Variants in TMEM72 observed in about 807,000 individuals in gnomAD.
TMEM72 encodes the protein transmembrane protein 72, also known as kidney-specific secretory protein of 37 kDa.
A neutral mutation model predicts 16.3 loss-of-function variants in TMEM72; 9 were observed. That is an observed-to-expected ratio of 0.55 (90% CI 0.33 to 0.96). The LOEUF (loss-of-function observed/expected upper bound fraction) is 0.96, where lower values mean the gene tolerates loss of function less well. Ranked by LOEUF, TMEM72 falls within the 40% of genes least tolerant of loss-of-function variation. The pLI is 0.03. For missense variants in TMEM72, 324 were observed against 337.8 expected (o/e 0.96, Z 0.32); for synonymous variants, 160 against 146.5 (o/e 1.09, Z -0.66).
At chr10:44,933,255 G>A (rs1186655041) in intron 3 of TMEM72, among the ~76,000 whole-genome samples, 1 of 152,258 alleles carries the variant, frequency 6.6e-6, no homozygotes, top group Admixed American at 6.5e-5. Flanking sequence ...CTTATGCAGT[G>A]CACTACAAGC....
In TMEM72 at chr10:44,915,957, G is replaced by A. The variant is rs1346521017; in HGVS notation, c.70+4375G>A. On this transcript the variant is annotated intron_variant, in intron 1 of 4. Transcript: ENST00000389583. ...TGGGTCCAGAGGTGCAGGGCTGACT[G>A]CATGCATTATGGTCATTGTCTCGCT... 1.1e-4 allele frequency among the ~76,000 whole-genome samples: 17 copies of A among 152,286 alleles called. No homozygotes were observed. In the East Asian group the frequency reaches 3.3e-3, roughly 29 times the overall value.
At chr10:44,916,741 C>A (rs1248398037) in intron 1 of TMEM72, among the ~76,000 whole-genome samples, 1 of 152,180 alleles carries the variant, frequency 6.6e-6, no homozygotes, top group East Asian at 1.9e-4. Flanking sequence ...TAAATGGAAT[C>A]TGCCTCCCTC....
At chr10:44,929,877 A>G (rs1840266764) in intron 2 of TMEM72, among the ~76,000 whole-genome samples, 1 of 152,214 alleles carries the variant, frequency 6.6e-6, no homozygotes, top group African/African-American at 2.4e-5. Flanking sequence ...TGCCCTGGCA[A>G]TTGTGCCCTG....
chr10:44,932,077 G>C lies in TMEM72; in HGVS notation c.209+8G>C, dbSNP rs1428774693. On this transcript the variant is annotated splice_region_variant and intron_variant, in intron 3 of 4. Coordinates refer to ENST00000389583, the MANE Select transcript of TMEM72 (RefSeq NM_001123376.3). ...GCTGGCCATCTGCTTCCAGTAAGTA[G>C]TTTCCAGAGAGACCCCTCCATTGTC... The C allele has an allele frequency of 6.2e-7, 1 of 1,611,906 alleles. No homozygotes were observed. The highest frequency in any genetic ancestry group is 1.7e-5 in the Admixed American group (1 of 59,778).
At chr10:44,930,535 T>G (rs1414534374) in intron 2 of TMEM72, among the ~76,000 whole-genome samples, 1 of 152,198 alleles carries the variant, frequency 6.6e-6, no homozygotes, top group African/African-American at 2.4e-5. Context: ...ATAAAATTGT[T>G]GCAAGGACTA....
At chr10:44,930,519 C>T (rs1343168303) in intron 2 of TMEM72, among the ~76,000 whole-genome samples, 1 of 152,234 alleles carries the variant, frequency 6.6e-6, no homozygotes, top group East Asian at 1.9e-4. Flanking sequence ...TAATATAGTA[C>T]TTATTATAAA....
chr10:44,932,537 G>A (rs1022183535), intron 3 of TMEM72, among the ~76,000 whole-genome samples: 5 of 152,178 alleles, frequency 3.3e-5, no homozygotes, highest in Admixed American at 6.5e-5. Context: ...TGCAGACCCT[G>A]CAGGATCTCG....
chr10:44,912,452 C>A (rs1008560514), intron 1 of TMEM72, among the ~76,000 whole-genome samples: 5 of 152,212 alleles, frequency 3.3e-5, no homozygotes, highest in African/African-American at 1.2e-4. Context: ...GAGAGACACA[C>A]CCCCTATCAA....
intron 1 of TMEM72, among the ~76,000 whole-genome samples, chr10:44,919,021 G>C (rs117937968): frequency 1.2e-4 from 19 of 152,276 alleles, no homozygotes; most frequent in East Asian, 1.9e-4. Context: ...AGCCGAAATG[G>C]ACTAAGACAT....
intron 3 of TMEM72, among the ~76,000 whole-genome samples, chr10:44,933,424 G>T (rs1840337394): frequency 6.6e-6 from 1 of 152,348 alleles, no homozygotes; most frequent in Middle Eastern, 3.4e-3. Context: ...AAACAGGTCT[G>T]GGCAGCCTTT....
chr10:44,930,478 A>G (rs1564438150), intron 2 of TMEM72, among the ~76,000 whole-genome samples: 1 of 152,126 alleles, frequency 6.6e-6, no homozygotes, highest in Non-Finnish European at 1.5e-5. Flanking sequence ...TCATCGGTAA[A>G]CTGACAGTAA....
chr10:44,929,676 T>C (rs1418927355), intron 2 of TMEM72, among the ~76,000 whole-genome samples: 1 of 152,234 alleles, frequency 6.6e-6, no homozygotes, highest in Non-Finnish European at 1.5e-5. Context: ...CCACCACCTC[T>C]GGTCCACACC....
intron 1 of TMEM72, among the ~76,000 whole-genome samples, chr10:44,912,796 C>T (rs911629850): frequency 2.6e-5 from 4 of 152,172 alleles, no homozygotes; most frequent in African/African-American, 7.2e-5. Context: ...TGGGTTCAGC[C>T]GTGAGCTGGC....
Position 44,936,216 on chromosome 10 carries a change from G to A in TMEM72, c.*1082G>A, listed in dbSNP as rs574275727. ...GCTTTACTTCTAAAAATTGTTGTCG[G>A]GTCCATGAGGCTGTTGCCAGGAAGA... On this transcript the variant is annotated 3_prime_UTR_variant, in exon 5 of 5. Transcript: ENST00000389583. 1 of 152,288 alleles carries A rather than the reference G, an allele frequency of 6.6e-6. No homozygotes were observed. Among genetic ancestry groups the A allele is most frequent in the South Asian group, 2.1e-4 (1 of 4,828 alleles). 9.4% of individuals were successfully genotyped at this position (152,288 alleles called of 1,614,324 possible).
intron 1 of TMEM72, among the ~76,000 whole-genome samples, chr10:44,921,459 G>A (rs1291261355): frequency 1.3e-5 from 2 of 152,220 alleles, no homozygotes; most frequent in Non-Finnish European, 2.9e-5. Flanking sequence ...ATCTCAGGGC[G>A]ATTATTTCTT....
At chr10:44,924,736 G>T (rs1360344165) in intron 1 of TMEM72, among the ~76,000 whole-genome samples, 1 of 152,260 alleles carries the variant, frequency 6.6e-6, no homozygotes, top group Non-Finnish European at 1.5e-5. Flanking sequence ...GGGCTTTACA[G>T]CCTCCCATGA....
intron 2 of TMEM72, among the ~76,000 whole-genome samples, chr10:44,928,211 G>C (rs1356286685): frequency 6.6e-6 from 1 of 151,664 alleles, no homozygotes; most frequent in East Asian, 1.9e-4. Context: ...TCCACCAATT[G>C]ATCCAGCCAG....
intron 1 of TMEM72, among the ~76,000 whole-genome samples, chr10:44,913,340 G>A (rs1341588053): frequency 6.6e-6 from 1 of 152,138 alleles, no homozygotes; most frequent in African/African-American, 2.4e-5. Context: ...TCGAGAGGCT[G>A]TTCTAAGATG....
intron 2 of TMEM72, among the ~76,000 whole-genome samples, chr10:44,928,564 A>G (rs568890122): frequency 4.0e-5 from 6 of 151,778 alleles, no homozygotes; most frequent in Admixed American, 3.3e-4. Flanking sequence ...CCATCTTCCA[A>G]TTCATCCAGC....
Sources: allele counts gnomAD v4.1 joint callset (sites outside exome capture counted in the v4.1 genomes callset), GRCh38; gene constraint gnomAD v4.1.1; transcripts MANE v1.5; gene names NCBI Gene and HGNC (gene_info 2026-07-23, HGNC 2026-07-21).